BAZ2B: variants seen among roughly 807,000 people sequenced by gnomAD.
BAZ2B encodes the protein bromodomain adjacent to zinc finger domain protein 2B.
BAZ2B carries 91 observed loss-of-function variants against 246.0 expected under a neutral mutation model. That is an observed-to-expected ratio of 0.37 (90% CI 0.31 to 0.44). The LOEUF is 0.44. Ranked by LOEUF, BAZ2B falls within the 20% of genes least tolerant of loss-of-function variation. BAZ2B has a pLI of 1.00. For synonymous variants in BAZ2B, 855 were observed against 860.0 expected, an observed-to-expected ratio of 0.99 and a Z score of 0.10; for missense variants, 2,332 against 2,533.7, an observed-to-expected ratio of 0.92 and a Z score of 1.71.
rs190032376 is a variant in BAZ2B at position 159,468,652 on chromosome 2, C to T, written c.145+9923G>A. On this transcript the variant is annotated intron_variant, in intron 3 of 36. Transcript: ENST00000392783. Reference sequence around the variant, plus strand: ...AAAATGACACATAAAACTTATGTGCCGCAGCTACAGCAGTAATTACAAGGG... The same window carrying T: ...AAAATGACACATAAAACTTATGTGCTGCAGCTACAGCAGTAATTACAAGGG... Among the ~76,000 whole-genome samples, 232 of 152,070 alleles carry T rather than the reference C, an allele frequency of 1.5e-3. 1 individual carries two copies. Among genetic ancestry groups the T allele is most frequent in the African/African-American group, 5.3e-3 (220 of 41,480 alleles).
At chr2:159,607,954 T>C (rs575171272) in intron 1 of BAZ2B, among the ~76,000 whole-genome samples, 32 of 152,334 alleles carry the variant, frequency 2.1e-4, no homozygotes, top group Admixed American at 5.9e-4. Context: ...CTTTTCCTAT[T>C]ATTAATACTA....
chr2:159,359,455 C>T (rs998335583), intron 27 of BAZ2B, among the ~76,000 whole-genome samples: 2 of 152,112 alleles, frequency 1.3e-5, no homozygotes, highest in Non-Finnish European at 2.9e-5. Flanking sequence ...GAAACTGAGG[C>T]AATAATTAAT....
chr2:159,387,671 A>G (rs749021125), intron 21 of BAZ2B, among the ~76,000 whole-genome samples: 2 of 152,140 alleles, frequency 1.3e-5, no homozygotes, highest in Non-Finnish European at 2.9e-5. Context: ...ATACATTTCT[A>G]TGTAATTCTA....
chr2:159,357,835 T>G (rs1443967890), intron 27 of BAZ2B, among the ~76,000 whole-genome samples: 2 of 152,188 alleles, frequency 1.3e-5, no homozygotes, highest in Admixed American at 6.5e-5. Context: ...AAAAGAATTT[T>G]CAACCCAGAA....
intron 2 of BAZ2B, among the ~76,000 whole-genome samples, chr2:159,496,438 G>A (rs186826311): frequency 5.0e-3 from 687 of 137,174 alleles, no homozygotes; most frequent in Non-Finnish European, 8.5e-3. Flanking sequence ...TGGGAGGGCC[G>A]ATTGCACCAC....
chr2:159,622,000 G>C, the BAZ2B span, among the ~76,000 whole-genome samples: 1 of 152,078 alleles, frequency 6.6e-6, no homozygotes, highest in African/African-American at 2.4e-5. Context: ...CAGCTACATG[G>C]GAGGCTGAGG....
chr2:159,341,999 A>T (rs1349518160), intron 31 of BAZ2B, among the ~76,000 whole-genome samples: 1 of 152,216 alleles, frequency 6.6e-6, no homozygotes, highest in African/African-American at 2.4e-5. Flanking sequence ...AATTAGTAGA[A>T]GGAAAGAAAC....
At position 159,373,160 on chromosome 2, in the gene BAZ2B, A is replaced by G; in HGVS notation, c.4098T>C (p.Phe1366=). 5 of 1,614,008 alleles carry G rather than the reference A, an allele frequency of 3.1e-6. No individual in the cohort carries two copies. The highest frequency in any genetic ancestry group is 4.2e-6 in the Non-Finnish European group (5 of 1,179,914). The stretch of plus-strand genomic sequence containing the variant: ...CTGAACGCAATGAGTGAGACGCATC[A>G]AAGAGCTTCCTTCTGTACTGACTCT... ...KQQSQYRRKL[F]DASHSLRSVM... is the part of the protein sequence containing the mutation. Residue 1366 remains phenylalanine, a synonymous_variant, in exon 27 of 37, where the codon TTT becomes TTC. Transcript: ENST00000392783.
chr2:159,655,809 T>C, the BAZ2B span, among the ~76,000 whole-genome samples: 1 of 152,238 alleles, frequency 6.6e-6, no homozygotes, highest in Non-Finnish European at 1.5e-5. Flanking sequence ...TCCGTTTCTA[T>C]AGATTCTATC....
chr2:159,382,556 T>C lies in BAZ2B; in HGVS notation c.4005+3A>G, dbSNP rs2062118209. 1.3e-6 allele frequency: 2 copies of C among 1,548,284 alleles called. No individual in the cohort carries two copies. The highest frequency in any genetic ancestry group is 1.7e-6 in the Non-Finnish European group (2 of 1,146,178). ...GTCTTAAAATCAACCTAAATTTCATTACCTCATCTTCACAGATATCAGTCT... is the reference window on the plus strand; with the variant it reads ...GTCTTAAAATCAACCTAAATTTCATCACCTCATCTTCACAGATATCAGTCT... On this transcript the variant is annotated splice_donor_region_variant and intron_variant, in intron 25 of 36. Coordinates refer to ENST00000392783, the MANE Select transcript of BAZ2B (RefSeq NM_013450.4).
chr2:159,647,704 A>G, the BAZ2B span, among the ~76,000 whole-genome samples: 1 of 152,190 alleles, frequency 6.6e-6, no homozygotes, highest in African/African-American at 2.4e-5. Context: ...CTGTCTGTGC[A>G]TGAACTGAAC....
At chr2:159,348,913 A>T in intron 29 of BAZ2B, 80 bp from the exon 30 acceptor site, 2 of 1,539,238 alleles carry the variant, frequency 1.3e-6, no homozygotes, top group Non-Finnish European at 1.8e-6. Context: ...AGATTTATTA[A>T]CTATATATAG....
chr2:159,333,766 T>G (rs979511426), intron 33 of BAZ2B, among the ~76,000 whole-genome samples: 6 of 152,182 alleles, frequency 3.9e-5, no homozygotes, highest in Non-Finnish European at 8.8e-5. Flanking sequence ...TAAAATGGTC[T>G]TCTTATAACT....
At chr2:159,512,967 A>C (rs143772150) in intron 2 of BAZ2B, among the ~76,000 whole-genome samples, 1 of 152,320 alleles carries the variant, frequency 6.6e-6, no homozygotes, top group East Asian at 1.9e-4. Flanking sequence ...TTTAATTTTA[A>C]CATCATACAT....
At chr2:159,424,191 C>A (rs1449060701) in intron 13 of BAZ2B, among the ~76,000 whole-genome samples, 2 of 151,870 alleles carry the variant, frequency 1.3e-5, no homozygotes, top group African/African-American at 4.8e-5. Flanking sequence ...CAAAGAAATT[C>A]TTAAACATAA....
At chr2:159,708,797 A>G in the BAZ2B span, among the ~76,000 whole-genome samples, 3 of 152,040 alleles carry the variant, frequency 2.0e-5, no homozygotes, top group South Asian at 6.2e-4. Flanking sequence ...CGCTGGTCTC[A>G]AGCATCCTCC....
chr2:159,386,468 C>T lies in BAZ2B; in HGVS notation c.3356G>A (p.Ser1119Asn). 1 of 1,613,598 alleles carries T rather than the reference C, an allele frequency of 6.2e-7. No homozygotes were observed. Among genetic ancestry groups the T allele is most frequent in the Non-Finnish European group, 8.5e-7 (1 of 1,179,770 alleles). ...FDVNIDVPNL[S>N]VLQEGLLNIG... ...ATTTAGCAATCCCTCTTGAAGAACA[C>T]TCAGGTTTGGAACATCAATATTCAC... Residue 1119 changes from serine (S) to asparagine (N), a missense_variant, in exon 22 of 37, where the codon AGT becomes AAT. Coordinates refer to ENST00000392783, the MANE Select transcript of BAZ2B (RefSeq NM_013450.4).
the BAZ2B span, among the ~76,000 whole-genome samples, chr2:159,655,340 T>TC: frequency 6.6e-6 from 1 of 152,172 alleles, no homozygotes; most frequent in Admixed American, 6.6e-5. Context: ...TGTTGTCAGT[T>TC]CCCTCCATAA....
At chr2:159,558,311 C>CA (rs2151483798) in intron 1 of BAZ2B, among the ~76,000 whole-genome samples, 1 of 152,196 alleles carries the variant, frequency 6.6e-6, no homozygotes, top group Admixed American at 6.5e-5. Flanking sequence ...GGCTGGAGTG[C>CA]AATGGCGCGA....
Sources: gnomAD v4.1 joint callset for allele counts (sites outside exome capture counted in the v4.1 genomes callset) on GRCh38, gnomAD v4.1.1 for gene constraint, MANE v1.5 for transcripts, NCBI Gene and HGNC (gene_info 2026-07-23, HGNC 2026-07-21) for gene names.